Variants in STARD13 observed in about 807,000 individuals in gnomAD.
STARD13 encodes the protein stAR-related lipid transfer protein 13.
STARD13 carries 62 observed loss-of-function variants against 106.4 expected under a neutral mutation model. That is an observed-to-expected ratio of 0.58 (90% CI 0.48 to 0.72). The LOEUF is 0.72. STARD13 is among the 30% of genes least tolerant of loss of function. The pLI, the probability that STARD13 is intolerant of heterozygous loss-of-function variation, is 0.00. For missense variants in STARD13, 1,387 were observed against 1,424.0 expected, an observed-to-expected ratio of 0.97 and a Z score of 0.42; for synonymous variants, 565 against 553.0, an observed-to-expected ratio of 1.02 and a Z score of -0.31.
At chr13:33,155,842 G>A (rs1881888101) in intron 3 of STARD13, among the ~76,000 whole-genome samples, 1 of 152,126 alleles carries the variant, frequency 6.6e-6, no homozygotes, top group Non-Finnish European at 1.5e-5. Flanking sequence ...GGCCAAACAG[G>A]TTAGTGCAAG....
intron 1 of STARD13, among the ~76,000 whole-genome samples, chr13:33,214,462 C>T (rs543707613): frequency 6.6e-6 from 1 of 152,128 alleles, no homozygotes; most frequent in African/African-American, 2.4e-5. Context: ...GTTAATCACA[C>T]TTATCAACAT....
intron 1 of STARD13, among the ~76,000 whole-genome samples, chr13:33,246,225 C>T (rs1889815849): frequency 6.6e-6 from 1 of 152,192 alleles, no homozygotes; most frequent in Middle Eastern, 3.4e-3. Context: ...ACATGCGCAT[C>T]AAAGAGAGGT....
chr13:33,168,253 A>G (rs1883560641), intron 1 of STARD13, among the ~76,000 whole-genome samples: 1 of 152,196 alleles, frequency 6.6e-6, no homozygotes, highest in Admixed American at 6.5e-5. Context: ...AGTGCGGCAT[A>G]GAAGAGGAAA....
chr13:33,161,137 A>C (rs999839656), intron 3 of STARD13, among the ~76,000 whole-genome samples: 7 of 152,194 alleles, frequency 4.6e-5, no homozygotes, highest in Non-Finnish European at 2.9e-5. Flanking sequence ...TTATTATTTT[A>C]TAACAAGTGA....
the STARD13 span, among the ~76,000 whole-genome samples, chr13:33,444,602 C>T: frequency 6.6e-6 from 1 of 151,422 alleles, no homozygotes; most frequent in Non-Finnish European, 1.5e-5. Context: ...CCTGTCTCTA[C>T]AAAAAAAATA....
intron 1 of STARD13, among the ~76,000 whole-genome samples, chr13:33,220,425 G>A (rs2138174093): frequency 6.6e-6 from 1 of 152,336 alleles, no homozygotes; most frequent in South Asian, 2.1e-4. Context: ...AGGCGTGGTG[G>A]CTCACGCCTG....
At chr13:33,277,987 C>G (rs930351358) in intron 1 of STARD13, among the ~76,000 whole-genome samples, 5 of 152,146 alleles carry the variant, frequency 3.3e-5, no homozygotes, top group African/African-American at 1.2e-4. Flanking sequence ...CAAAACACAA[C>G]TTCAAAGTAT....
chr13:33,444,182 T>C, the STARD13 span, among the ~76,000 whole-genome samples: 1 of 152,314 alleles, frequency 6.6e-6, no homozygotes, highest in East Asian at 1.9e-4. Context: ...TTAGTCAGTA[T>C]ATAGATACAC....
At chr13:33,190,583 CTTTTCTT>C (rs1886178251) in intron 1 of STARD13, among the ~76,000 whole-genome samples, 1 of 142,750 alleles carries the variant, frequency 7.0e-6, no homozygotes, top group African/African-American at 2.6e-5. Flanking sequence ...CTTTTCTTTT[CTTTTCTT>C]TTTTTTTTTT....
At chr13:33,163,182 C>G (rs762186043) in intron 3 of STARD13, among the ~76,000 whole-genome samples, 2 of 152,220 alleles carry the variant, frequency 1.3e-5, no homozygotes, top group Non-Finnish European at 1.5e-5. Flanking sequence ...GGAAACCGCC[C>G]TCATGATTCA....
At chr13:33,499,689 TTCTTCCTCTTCC>T in the STARD13 span, among the ~76,000 whole-genome samples, 6 of 126,222 alleles carry the variant, frequency 4.8e-5, 1 homozygote, top group Non-Finnish European at 9.6e-5. Context: ...CCTCTTTCTC[TTCTTCCTCTTCC>T]TCTTCCTCTT....
chr13:33,124,057 C>G (rs957203968), intron 7 of STARD13, among the ~76,000 whole-genome samples: 31 of 152,338 alleles, frequency 2.0e-4, no homozygotes, highest in African/African-American at 7.0e-4. Context: ...TGTTGCTCTC[C>G]TTGCTTTTCA....
chr13:33,407,062 T>G, the STARD13 span, among the ~76,000 whole-genome samples: 2 of 152,192 alleles, frequency 1.3e-5, no homozygotes, highest in Non-Finnish European at 2.9e-5. Context: ...GTTCATTCTT[T>G]GAGAGAGCAG....
intron 1 of STARD13, among the ~76,000 whole-genome samples, chr13:33,230,067 A>C (rs1888834675): frequency 6.6e-6 from 1 of 152,230 alleles, no homozygotes; most frequent in Admixed American, 6.5e-5. Flanking sequence ...AGACATTATG[A>C]GGCCTGGAAG....
chr13:33,486,126 T>A, the STARD13 span, among the ~76,000 whole-genome samples: 1 of 151,872 alleles, frequency 6.6e-6, no homozygotes, highest in Non-Finnish European at 1.5e-5. Flanking sequence ...TAGATTGGAG[T>A]TATTTCTTGG....
At chr13:33,370,527 C>T in the STARD13 span, among the ~76,000 whole-genome samples, 1 of 152,002 alleles carries the variant, frequency 6.6e-6, no homozygotes, top group Non-Finnish European at 1.5e-5. Context: ...TGGTATTTTG[C>T]AGCATTCTTA....
At chr13:33,163,156 A>G (rs1445736721) in intron 3 of STARD13, among the ~76,000 whole-genome samples, 4 of 152,198 alleles carry the variant, frequency 2.6e-5, no homozygotes, top group Admixed American at 1.3e-4. Context: ...ATTCACTACC[A>G]TGAGAACAGT....
chr13:33,672,506 A>G, the STARD13 span, among the ~76,000 whole-genome samples: 1 of 152,260 alleles, frequency 6.6e-6, no homozygotes, highest in African/African-American at 2.4e-5. Context: ...CGTTCTGCAC[A>G]TGTATCCCAG....
chr13:33,203,800 A>G (rs915166095), intron 1 of STARD13, among the ~76,000 whole-genome samples: 3 of 152,214 alleles, frequency 2.0e-5, no homozygotes, highest in African/African-American at 4.8e-5. Context: ...TTTAAAGGCT[A>G]AAGTTTTTAG....
Sources: gnomAD v4.1 joint callset for allele counts (sites outside exome capture counted in the v4.1 genomes callset) on GRCh38, gnomAD v4.1.1 for gene constraint, MANE v1.5 for transcripts, NCBI Gene and HGNC (gene_info 2026-07-23, HGNC 2026-07-21) for gene names.